The following TMCC1 variants were observed in gnomAD, a reference collection of about 807,000 sequenced individuals.
TMCC1 encodes transmembrane and coiled-coil domains protein 1.
Under a neutral mutation model 52.4 loss-of-function variants are expected in TMCC1, and 15 were observed. The observed-to-expected ratio is 0.29, with a 90% CI of 0.19 to 0.44. TMCC1 has a LOEUF of 0.44. Ranked by LOEUF, TMCC1 falls within the 20% of genes least tolerant of loss-of-function variation. TMCC1 has a pLI of 1.00. For missense variants in TMCC1, 503 were observed against 806.0 expected (o/e 0.62, Z 4.55); for synonymous variants, 279 against 301.9 (o/e 0.92, Z 0.79).
chr3:129,842,156 A>C (rs2059447006), intron 2 of TMCC1, among the ~76,000 whole-genome samples: 1 of 152,196 alleles, frequency 6.6e-6, no homozygotes, highest in African/African-American at 2.4e-5. Context: ...GTTAACCCTT[A>C]GTAATTGATA....
chr3:129,823,621 C>T (rs2058524072), intron 4 of TMCC1, among the ~76,000 whole-genome samples: 1 of 151,868 alleles, frequency 6.6e-6, no homozygotes. Flanking sequence ...GTACTGAGAT[C>T]CCTGAAAAAC....
chr3:129,660,254 C>T (rs1308566021), intron 5 of TMCC1, among the ~76,000 whole-genome samples: 2 of 152,034 alleles, frequency 1.3e-5, no homozygotes, highest in Non-Finnish European at 2.9e-5. Context: ...CTCTAGTGAC[C>T]CTTCCACCTC....
At position 129,712,162 on chromosome 3, in the gene TMCC1, G is replaced by A. The variant is rs1169520904; in HGVS notation, c.577-40898C>T. 2.0e-5 allele frequency among the ~76,000 whole-genome samples: 3 copies of A among 152,114 alleles called. No homozygotes were observed. The East Asian group carries it at 5.8e-4, about 29-fold the overall frequency. ...ACTGCACTCCAGGCTGTGCAACAGA[G>A]CGAGACTCTTTCTCAAAATAAACAA... On this transcript the variant is annotated intron_variant, in intron 4 of 6. Transcript: ENST00000393238.
chr3:129,860,385 G>C (rs1398131542), intron 2 of TMCC1, among the ~76,000 whole-genome samples: 2 of 151,750 alleles, frequency 1.3e-5, no homozygotes, highest in Non-Finnish European at 2.9e-5. Context: ...GTGGAAATTT[G>C]TCCACAATAT....
intron 2 of TMCC1, among the ~76,000 whole-genome samples, chr3:129,838,026 GAA>G (rs2059243943): frequency 6.6e-6 from 1 of 152,176 alleles, no homozygotes; most frequent in Non-Finnish European, 1.5e-5. Context: ...CAGAAGTCCA[GAA>G]GAAGAGACAA....
Position 129,837,666 on chromosome 3 carries a change from G to T in TMCC1, c.-183-4840C>A, listed in dbSNP as rs58751308. ...GCAGTAATAAAAACACAGCTCAAAG[G>T]GACAAAGCAATTATCAGAGCCAGAC... is the stretch of plus-strand genomic sequence containing the variant. On this transcript the variant is annotated intron_variant, in intron 2 of 6. Coordinates refer to ENST00000393238, the MANE Select transcript of TMCC1 (RefSeq NM_001017395.5). 2.2e-4 allele frequency among the ~76,000 whole-genome samples: 33 copies of T among 152,124 alleles called. No homozygotes were observed. The East Asian group carries it at 5.8e-3, about 27-fold the overall frequency.
chr3:129,688,496 A>G, intron 4 of TMCC1: 1 of 985,524 alleles, frequency 1.0e-6, no homozygotes. Context: ...CAGAGAAGTG[A>G]CTTTCACAAA....
chr3:129,877,753 C>G (rs2061286234), intron 2 of TMCC1, among the ~76,000 whole-genome samples: 1 of 151,456 alleles, frequency 6.6e-6, no homozygotes, highest in Non-Finnish European at 1.5e-5. Context: ...CTCAGCCTCC[C>G]AAGTAGCTGG....
intron 2 of TMCC1, among the ~76,000 whole-genome samples, chr3:129,874,406 AT>A: frequency 1.3e-5 from 2 of 152,314 alleles, no homozygotes; most frequent in South Asian, 4.1e-4. Context: ...GCATCTAAGA[AT>A]CTAAAAAATA....
intron 4 of TMCC1, among the ~76,000 whole-genome samples, chr3:129,768,197 C>T (rs1314848378): frequency 3.3e-5 from 5 of 152,084 alleles, no homozygotes; most frequent in Admixed American, 6.6e-5. Context: ...AGAGCAATAT[C>T]GTCTCAACAA....
At chr3:129,884,088 C>G (rs752630790) in intron 1 of TMCC1, among the ~76,000 whole-genome samples, 3 of 152,012 alleles carry the variant, frequency 2.0e-5, no homozygotes, top group Non-Finnish European at 4.4e-5. Flanking sequence ...AAATTAAAGT[C>G]TTCAGATGTC....
At position 129,859,941 on chromosome 3, in the gene TMCC1, T is replaced by C. The variant is rs368762942; in HGVS notation, c.-184+20368A>G. ...GACTAGGAAGCTACATGGCAACTTA[T>C]CTCACTACATCAGATAATTTTTGAT... On this transcript the variant is annotated intron_variant, in intron 2 of 6. Coordinates refer to ENST00000393238, the MANE Select transcript of TMCC1 (RefSeq NM_001017395.5). 1.8e-4 allele frequency among the ~76,000 whole-genome samples: 28 copies of C among 152,224 alleles called. No individual in the cohort carries two copies. In the East Asian group the frequency reaches 2.3e-3, roughly 13 times the overall value.
intron 4 of TMCC1, among the ~76,000 whole-genome samples, chr3:129,745,963 C>T (rs1473162803): frequency 1.3e-5 from 2 of 151,310 alleles, no homozygotes; most frequent in African/African-American, 4.8e-5. Context: ...TTCTTTGTTG[C>T]CCACGCTGGT....
At chr3:129,863,156 T>G (rs934514122) in intron 2 of TMCC1, among the ~76,000 whole-genome samples, 1 of 152,202 alleles carries the variant, frequency 6.6e-6, no homozygotes, top group Non-Finnish European at 1.5e-5. Context: ...TACTTTATTC[T>G]TGGTTATACT....
chr3:129,811,603 C>T (rs1444577792), intron 4 of TMCC1, among the ~76,000 whole-genome samples: 2 of 152,104 alleles, frequency 1.3e-5, no homozygotes, highest in Non-Finnish European at 2.9e-5. Context: ...GGAATTTTCT[C>T]AGCAAATCTT....
chr3:129,791,460 C>T (rs545871841), intron 4 of TMCC1, among the ~76,000 whole-genome samples: 4 of 152,074 alleles, frequency 2.6e-5, no homozygotes, highest in Non-Finnish European at 5.9e-5. Context: ...GTTAGACCTA[C>T]GTTTGACTCG....
chr3:129,740,554 G>A (rs1004356767), intron 4 of TMCC1, among the ~76,000 whole-genome samples: 2 of 152,070 alleles, frequency 1.3e-5, no homozygotes, highest in Non-Finnish European at 2.9e-5. Context: ...CCACGGGAAG[G>A]GTGAGAAGTA....
Position 129,651,005 on chromosome 3 carries a change from A to C in TMCC1, c.*476T>G, listed in dbSNP as rs1227841358. The C allele has an allele frequency of 6.5e-6, 1 of 154,482 alleles. No individual in the cohort carries two copies. The highest frequency in any genetic ancestry group is 1.4e-5 in the Non-Finnish European group (1 of 69,232). The allele number at this position is 154,482 out of a possible 1,614,324, so 9.6% of individuals were successfully genotyped here. ...CACGGACAACGAAAATCCACCCCGA[A>C]TCCAAAAATTCAGACATGGAATGTG... On this transcript the variant is annotated 3_prime_UTR_variant, in exon 7 of 7. Coordinates refer to ENST00000393238, the MANE Select transcript of TMCC1 (RefSeq NM_001017395.5). The surrounding 1 kb of genome is among the most constrained non-coding windows in gnomAD (Gnocchi z 5.1).
At chr3:129,783,096 T>C (rs919357826) in intron 4 of TMCC1, among the ~76,000 whole-genome samples, 1 of 152,204 alleles carries the variant, frequency 6.6e-6, no homozygotes, top group Non-Finnish European at 1.5e-5. Flanking sequence ...ATTGTTACTA[T>C]AACAGTTAGT....
Sources: allele counts gnomAD v4.1 joint callset (sites outside exome capture counted in the v4.1 genomes callset), GRCh38; gene constraint gnomAD v4.1.1; non-coding constraint Gnocchi (gnomAD v3.1); transcripts MANE v1.5; gene names NCBI Gene and HGNC (gene_info 2026-07-23, HGNC 2026-07-21).